Variants in FKBP8 observed in about 807,000 individuals in gnomAD.
FKBP8 encodes the protein FKBP prolyl isomerase 8, also known as peptidyl-prolyl cis-trans isomerase FKBP8.
In FKBP8, 5 loss-of-function variants were observed where a neutral mutation model predicts 41.7. The ratio of observed to expected loss-of-function variants is 0.12; its 90% confidence interval spans 0.06 to 0.25. The LOEUF (loss-of-function observed/expected upper bound fraction) is 0.25. Among genes scored for constraint, FKBP8 ranks in the 10% least tolerant of loss-of-function variants. The pLI is 1.00. For missense variants in FKBP8, 397 were observed against 563.0 expected, an observed-to-expected ratio of 0.71 and a Z score of 2.98; for synonymous variants, 279 against 254.5, an observed-to-expected ratio of 1.10 and a Z score of -0.92.
chr19:18,539,457 G>A lies in FKBP8; in HGVS notation c.465C>T (p.Ala155=). The change falls in exon 4 of 9, where the codon GCC becomes GCT. Residue 155 remains alanine, a splice_region_variant and synonymous_variant. Transcript: ENST00000608443. ...CCATGAGTGGGACACTGAGATCCAG[G>A]GCCTGGGGTGTGTGGGGATAGCCAG... ...FTLGDCDVIQ[A]LDLSVPLMDV... is the part of the protein sequence containing the mutation. 6.2e-7 allele frequency: 1 copy of A among 1,613,652 alleles called. No homozygotes were observed. Among genetic ancestry groups the A allele is most frequent in the South Asian group, 1.1e-5 (1 of 91,064 alleles).
chr19:18,534,238 C>CGG (rs1205866253), intron 6 of FKBP8, among the ~76,000 whole-genome samples: 10 of 151,702 alleles, frequency 6.6e-5, no homozygotes, highest in East Asian at 2.0e-4. Context: ...ACCCAGGAGG[C>CGG]AGCACTTGCA....
intron 8 of FKBP8, 190 bp downstream of exon 8, chr19:18,532,474 C>A: frequency 1.0e-6 from 1 of 998,260 alleles, no homozygotes; most frequent in Non-Finnish European, 1.5e-6. Context: ...GCTCCACAGT[C>A]CACCCCCAGC....
Position 18,537,272 on chromosome 19 carries a change from A to T in FKBP8, c.945+329T>A, listed in dbSNP as rs1600533641. Among the ~76,000 whole-genome samples, 2 of 152,062 alleles carry T rather than the reference A, an allele frequency of 1.3e-5. No individual in the cohort carries two copies. Among genetic ancestry groups the T allele is most frequent in the Non-Finnish European group, 2.9e-5 (2 of 68,004 alleles). On this transcript the variant is annotated intron_variant, in intron 6 of 8. Coordinates refer to ENST00000608443, the MANE Select transcript of FKBP8 (RefSeq NM_012181.5). The surrounding 1 kb of genome is among the most constrained non-coding windows in gnomAD (Gnocchi z 4.4). ...ACAATCGCTTGAACCCAGGAGGAGG[A>T]GGTTGCGGTGGTGAGCTGAGATCAC...
At position 18,537,454 on chromosome 19, in the gene FKBP8, T is replaced by A. The variant is rs955001136; in HGVS notation, c.945+147A>T. 4 of 690,080 alleles carry A rather than the reference T, an allele frequency of 5.8e-6. No homozygotes were observed. Among genetic ancestry groups the A allele is most frequent in the Admixed American group, 3.4e-5 (1 of 29,044 alleles). 42.7% of individuals were successfully genotyped at this position (690,080 alleles called of 1,614,324 possible). A position where few individuals can be genotyped will look rare whatever the true frequency, so the allele number is the denominator to read the frequency against. On this transcript the variant is annotated intron_variant, in intron 6 of 8. Coordinates refer to ENST00000608443, the MANE Select transcript of FKBP8 (RefSeq NM_012181.5). The surrounding 1 kb of genome is among the most constrained non-coding windows in gnomAD (Gnocchi z 4.4). ...AATTGTTGTGACCAGGCCACACTCC[T>A]GCACCCGTCTGGGCCTCAGTTTCTC...
Position 18,538,110 on chromosome 19 carries a change from C to G in FKBP8, c.772+106G>C. ...GTTGGGGATCTACCCATATTCTGGG[C>G]TATTCTAGAATATTCTGAGTCTGAG... On this transcript the variant is annotated intron_variant, in intron 5 of 8. Transcript: ENST00000608443. This position sits in a 1 kb window ranked among gnomAD's most constrained non-coding sequence, Gnocchi z 4.0. The G allele has an allele frequency of 8.2e-7, 1 of 1,225,354 alleles. No individual in the cohort carries two copies. The allele number at this position is 1,225,354 out of a possible 1,614,324, so 75.9% of individuals were successfully genotyped here.
rs1249699567 is a variant in FKBP8, at chr19:18,538,549, G to C, written c.552-113C>G. The stretch of plus-strand genomic sequence containing the variant: ...CAAGCCCCCGATCTGTCTCCCCTCT[G>C]CCCTCCATCATTCCCTCCTCAGTAA... On this transcript the variant is annotated intron_variant, in intron 4 of 8. Coordinates refer to ENST00000608443, the MANE Select transcript of FKBP8 (RefSeq NM_012181.5). The surrounding 1 kb of genome is among the most constrained non-coding windows in gnomAD (Gnocchi z 4.0). 7.2e-6 allele frequency: 6 copies of C among 829,182 alleles called. No homozygotes were observed. The highest frequency in any genetic ancestry group is 1.1e-5 in the Non-Finnish European group (6 of 541,128). 51.4% of individuals were successfully genotyped at this position (829,182 alleles called of 1,614,324 possible).
intron 7 of FKBP8, 54 bp downstream of exon 7, chr19:18,533,216 C>G: frequency 6.8e-7 from 1 of 1,477,472 alleles, no homozygotes; most frequent in Non-Finnish European, 9.1e-7. Flanking sequence ...TGGGGCAGAC[C>G]GCAGGAGGGA....
chr19:18,541,599 C>T, intron 2 of FKBP8, 80 bp downstream of exon 2: 1 of 1,530,564 alleles, frequency 6.5e-7, no homozygotes, highest in Non-Finnish European at 8.8e-7. Flanking sequence ...TTCCAACCCT[C>T]ACAGCACAGA....
rs1369720710 is a variant in FKBP8 at position 18,533,254 on chromosome 19, C to A, written c.1023+16G>T. On this transcript the variant is annotated intron_variant, in intron 7 of 8. Coordinates refer to ENST00000608443, the MANE Select transcript of FKBP8 (RefSeq NM_012181.5). ...TCCCAGCCGAGCAAGTCCCAGGGCA[C>A]CCCTGTCCTGCTCACCTTGTTGGAA... The A allele has an allele frequency of 1.3e-6, 2 of 1,572,414 alleles. No homozygotes were observed. The highest frequency in any genetic ancestry group is 1.3e-5 in the African/African-American group (1 of 74,558).
At chr19:18,534,616 C>T (rs1160850185) in intron 6 of FKBP8, among the ~76,000 whole-genome samples, 1 of 151,584 alleles carries the variant, frequency 6.6e-6, no homozygotes, top group African/African-American at 2.4e-5. Flanking sequence ...GGGTCTTGAT[C>T]GGTCACCCAG....
At chr19:18,540,826 C>T (rs190295668) in intron 2 of FKBP8, among the ~76,000 whole-genome samples, 2 of 150,810 alleles carry the variant, frequency 1.3e-5, no homozygotes, top group South Asian at 2.1e-4. Flanking sequence ...GAACTGAGAT[C>T]GCACCACTGC....
chr19:18,541,977 G>A lies in FKBP8; in HGVS notation c.-7C>T. ...GTTCAGCACACGATGCCATGCTGCTGGGGGGACAGGAATTGGCCCTGGAAG... is the reference window on the plus strand; with the variant it reads ...GTTCAGCACACGATGCCATGCTGCTAGGGGGACAGGAATTGGCCCTGGAAG... On this transcript the variant is annotated 5_prime_UTR_variant, in exon 2 of 9. Transcript: ENST00000608443. 6.2e-7 allele frequency: 1 copy of A among 1,610,918 alleles called. No homozygotes were observed. Among genetic ancestry groups the A allele is most frequent in the Non-Finnish European group, 8.5e-7 (1 of 1,178,044 alleles).
chr19:18,539,524 C>A (rs778353723), intron 3 of FKBP8, 27 bp downstream of exon 3: 1 of 1,612,024 alleles, frequency 6.2e-7, no homozygotes, highest in Non-Finnish European at 8.5e-7. Context: ...GCCCCTCGCC[C>A]CTGCCCTGTC....
rs1165932658 is a variant in FKBP8, at chr19:18,538,808, C to CTTT, written c.552-375_552-373dup. Among the ~76,000 whole-genome samples, 7 of 102,204 alleles carry CTTT rather than the reference C, an allele frequency of 6.8e-5. No individual in the cohort carries two copies. The highest frequency in any genetic ancestry group is 1.1e-4 in the Non-Finnish European group (6 of 55,794). 67.0% of individuals were successfully genotyped at this position (102,204 alleles called of 152,430 possible). Reference sequence around the variant, plus strand: ...GACTACAGGTGTGCACCACACCCAGCTTTTTTTTTTTTTTTTTTTTTTTTT... The same window carrying CTTT: ...GACTACAGGTGTGCACCACACCCAGCTTTTTTTTTTTTTTTTTTTTTTTTTTTT... On this transcript the variant is annotated intron_variant, in intron 4 of 8. Transcript: ENST00000608443. This position sits in a 1 kb window ranked among gnomAD's most constrained non-coding sequence, Gnocchi z 4.0.
chr19:18,539,667 G>T lies in FKBP8; in HGVS notation c.346C>A (p.Arg116Ser). The T allele has an allele frequency of 1.2e-6, 2 of 1,611,510 alleles. No individual in the cohort carries two copies. Among genetic ancestry groups the T allele is most frequent in the Non-Finnish European group, 8.5e-7 (1 of 1,180,014 alleles). Residue 116 changes from arginine (R) to serine (S), a missense_variant, in exon 3 of 9, where the codon CGC becomes AGC. Transcript: ENST00000608443. The stretch of plus-strand genomic sequence containing the variant: ...GTGACCACCTGGCCCTTGACCGGGC[G>T]GCTCGAACCTGGCGGCCCTGGGACC... Reference protein sequence around the residue: ...TLVPGPPGSSRPVKGQVVTVH... With the variant: ...TLVPGPPGSSSPVKGQVVTVH...
chr19:18,531,853 AC>A lies in FKBP8; in HGVS notation c.*315del, dbSNP rs1158583906. ...GTGGGGGGCTGGCACTCAGGCGGGG[AC>A]TAGGCAGGGGAAGGGCTGCCCCCAG... On this transcript the variant is annotated 3_prime_UTR_variant, in exon 9 of 9. Transcript: ENST00000608443. 2.9e-6 allele frequency: 1 copy of A among 347,314 alleles called. No homozygotes were observed. The allele number at this position is 347,314 out of a possible 1,614,324, so 21.5% of individuals were successfully genotyped here. A position where few individuals can be genotyped will look rare whatever the true frequency, so the allele number is the denominator to read the frequency against.
At chr19:18,535,784 G>T (rs1017111512) in intron 6 of FKBP8, among the ~76,000 whole-genome samples, 28 of 151,756 alleles carry the variant, frequency 1.8e-4, no homozygotes, top group African/African-American at 6.3e-4. Flanking sequence ...AGGGGGGAGG[G>T]GGGAGCATCA....
In FKBP8 at chr19:18,537,511, T is replaced by C. The variant is rs1976605951; in HGVS notation, c.945+90A>G. 1.6e-6 allele frequency: 2 copies of C among 1,281,016 alleles called. No homozygotes were observed. The highest frequency in any genetic ancestry group is 2.6e-5 in the East Asian group (1 of 38,540). 79.4% of individuals were successfully genotyped at this position (1,281,016 alleles called of 1,614,324 possible). A position where few individuals can be genotyped will look rare whatever the true frequency, so the allele number is the denominator to read the frequency against. ...CACCCCACAGAGCTCAGCTGGCTTA[T>C]ATACCTATGCCTTTCTCAAATGCAG... On this transcript the variant is annotated intron_variant, in intron 6 of 8. Transcript: ENST00000608443. The surrounding 1 kb of genome is among the most constrained non-coding windows in gnomAD (Gnocchi z 4.4).
intron 6 of FKBP8, among the ~76,000 whole-genome samples, chr19:18,534,232 A>C (rs1346859113): frequency 2.1e-5 from 3 of 144,370 alleles, no homozygotes; most frequent in African/African-American, 7.7e-5. Flanking sequence ...GCGTGAACCC[A>C]GGAGGCAGCA....
Sources: allele counts gnomAD v4.1 joint callset (sites outside exome capture counted in the v4.1 genomes callset), GRCh38; gene constraint gnomAD v4.1.1; non-coding constraint Gnocchi (gnomAD v3.1); transcripts MANE v1.5; gene names NCBI Gene and HGNC (gene_info 2026-07-23, HGNC 2026-07-21).